The following ATP8B4 variants were observed in gnomAD, a reference collection of about 807,000 sequenced individuals.
The protein encoded by ATP8B4 is ATPase phospholipid transporting 8B4 (putative), also known as probable phospholipid-transporting ATPase IM.
A neutral mutation model predicts 145.6 loss-of-function variants in ATP8B4; 133 were observed. The ratio of observed to expected loss-of-function variants is 0.91; its 90% CI spans 0.79 to 1.05. The LOEUF (loss-of-function observed/expected upper bound fraction) is 1.05, where lower values mean the gene tolerates loss of function less well. Among genes scored for constraint, ATP8B4 ranks in the 50% least tolerant of loss-of-function variants. The pLI is 0.00. For missense variants in ATP8B4, 1,458 were observed against 1,425.2 expected, an observed-to-expected ratio of 1.02 and a Z score of -0.37; for synonymous variants, 507 against 492.9, an observed-to-expected ratio of 1.03 and a Z score of -0.38.
chr15:49,879,446 TG>T lies in ATP8B4; in HGVS notation c.2710del (p.Gln904SerfsTer17). The T allele has an allele frequency of 1.2e-6, 2 of 1,609,882 alleles. No individual in the cohort carries two copies. Among genetic ancestry groups the T allele is most frequent in the Non-Finnish European group, 8.5e-7 (1 of 1,176,734 alleles). On this transcript the variant is annotated frameshift_variant, in exon 24 of 28. Transcript: ENST00000284509. LOFTEE classifies it high-confidence loss of function. The part of the protein sequence containing the change: ...CGFSAQTVYD[Q>X]WFITLFNIVY... ...AATGTTAAAAAGGGTGATGAACCAC[TG>T]GTCATAAACAGTCTGAAAAGAAATA...
At chr15:49,931,497 CTA>C (rs2041253100) in intron 15 of ATP8B4, among the ~76,000 whole-genome samples, 190 bp from the exon 16 acceptor site, 1 of 151,998 alleles carries the variant, frequency 6.6e-6, no homozygotes, top group South Asian at 2.1e-4. Flanking sequence ...CCATAGGACT[CTA>C]TGCATATCAC....
chr15:50,092,252 G>T lies in ATP8B4; in HGVS notation c.28+14687C>A, dbSNP rs565010823. ...GTCCCTGATTGGATCAAGACAATCT[G>T]CTCCTTCTCTAACTGCTACCCAGAT... On this transcript the variant is annotated intron_variant, in intron 2 of 27. Coordinates refer to ENST00000284509, the MANE Select transcript of ATP8B4 (RefSeq NM_024837.4). 6.6e-5 allele frequency among the ~76,000 whole-genome samples: 10 copies of T among 152,224 alleles called. No individual in the cohort carries two copies. The East Asian group carries it at 1.9e-3, about 29-fold the overall frequency.
intron 1 of ATP8B4, among the ~76,000 whole-genome samples, chr15:50,169,282 G>C (rs113090301): frequency 7.7e-6 from 1 of 129,138 alleles, no homozygotes; most frequent in Non-Finnish European, 1.7e-5. Flanking sequence ...GTCCATTGCA[G>C]CCTCCACCAC....
Position 50,004,630 on chromosome 15 carries a change from C to T in ATP8B4, c.436-2407G>A, listed in dbSNP as rs569203788. On this transcript the variant is annotated intron_variant, in intron 7 of 27. Coordinates refer to ENST00000284509, the MANE Select transcript of ATP8B4 (RefSeq NM_024837.4). ...AGCACCATCCTAAGAGCTTCACATG[C>T]GCTATTTTATTTAACATTCACAGAA... 3.3e-5 allele frequency among the ~76,000 whole-genome samples: 5 copies of T among 152,282 alleles called. No individual in the cohort carries two copies. In the South Asian group the frequency reaches 8.3e-4, roughly 25 times the overall value.
chr15:50,113,230 G>A (rs545236808), intron 1 of ATP8B4: 4 of 152,304 alleles, frequency 2.6e-5, no homozygotes, highest in African/African-American at 9.6e-5. Flanking sequence ...CTGAGGAGCA[G>A]GTAGGATTGG....
chr15:50,112,491 G>A (rs2056992980), intron 1 of ATP8B4, among the ~76,000 whole-genome samples: 1 of 152,000 alleles, frequency 6.6e-6, no homozygotes, highest in African/African-American at 2.4e-5. Context: ...TATCTAACGT[G>A]CCCAACCCCA....
chr15:49,911,428 A>G (rs1236191534), intron 20 of ATP8B4, among the ~76,000 whole-genome samples: 2 of 152,168 alleles, frequency 1.3e-5, no homozygotes, highest in African/African-American at 4.8e-5. Flanking sequence ...AGCCAAAATT[A>G]TCATTTTATA....
At chr15:50,076,393 G>A (rs2054172937) in intron 2 of ATP8B4, among the ~76,000 whole-genome samples, 1 of 152,078 alleles carries the variant, frequency 6.6e-6, no homozygotes, top group African/African-American at 2.4e-5. Flanking sequence ...TTGGGAGGCT[G>A]AGGCAGGAAA....
intron 14 of ATP8B4, among the ~76,000 whole-genome samples, chr15:49,959,123 C>T (rs1018128229): frequency 6.6e-6 from 1 of 151,734 alleles, no homozygotes. Context: ...TTTAACATGA[C>T]AAGTGGCATT....
intron 3 of ATP8B4, among the ~76,000 whole-genome samples, chr15:50,068,321 G>T (rs144705743): frequency 6.6e-6 from 1 of 152,296 alleles, no homozygotes; most frequent in African/African-American, 2.4e-5. Context: ...CCACATTGTT[G>T]CACTGAATGA....
At chr15:50,153,313 T>C (rs1274808609) in intron 1 of ATP8B4, among the ~76,000 whole-genome samples, 1 of 151,648 alleles carries the variant, frequency 6.6e-6, no homozygotes, top group East Asian at 1.9e-4. Context: ...AGGAAAGAGT[T>C]TTCATTCCAG....
At chr15:50,033,511 T>C (rs1221883745) in intron 6 of ATP8B4, among the ~76,000 whole-genome samples, 1 of 152,214 alleles carries the variant, frequency 6.6e-6, no homozygotes, top group Non-Finnish European at 1.5e-5. Context: ...CTCAGCTTTT[T>C]AAAATATTTA....
In ATP8B4 at chr15:49,996,757, T is replaced by A; in HGVS notation, c.509A>T (p.Glu170Val). 6.2e-7 allele frequency: 1 copy of A among 1,608,460 alleles called. No homozygotes were observed. The highest frequency in any genetic ancestry group is 8.5e-7 in the Non-Finnish European group (1 of 1,175,938). The change falls in exon 9 of 28, where the codon GAA (glutamate) becomes GTA (valine). Residue 170 changes from glutamate (E) to valine (V), a missense_variant and splice_region_variant. Glu to Val is a moderately radical substitution (Grantham distance 121). Coordinates refer to ENST00000284509, the MANE Select transcript of ATP8B4 (RefSeq NM_024837.4). Reference sequence around the variant, plus strand: ...TGCATGGCGGACTTTTAGGTTCGTTTCCCTGTGAAATTATTGACATGACAT... The same window carrying A: ...TGCATGGCGGACTTTTAGGTTCGTTACCCTGTGAAATTATTGACATGACAT... ...CYVETAELDG[E>V]TNLKVRHALS...
chr15:50,144,312 T>A (rs1193603819), intron 1 of ATP8B4, among the ~76,000 whole-genome samples: 1 of 152,320 alleles, frequency 6.6e-6, no homozygotes, highest in Non-Finnish European at 1.5e-5. Flanking sequence ...GATAGACTTT[T>A]GCATTCACAG....
rs79918057 is a variant in ATP8B4, at chr15:50,083,734, C to T, written c.29-9549G>A. Among the ~76,000 whole-genome samples the T allele has an allele frequency of 2.6e-3, 394 of 152,288 alleles. 1 individual carries two copies. Among genetic ancestry groups the T allele is most frequent in the African/African-American group, 9.0e-3 (376 of 41,566 alleles). On this transcript the variant is annotated intron_variant, in intron 2 of 27. Coordinates refer to ENST00000284509, the MANE Select transcript of ATP8B4 (RefSeq NM_024837.4). ...AGCTATAAACTGAGTTTCTTTAATA[C>T]GTATTGGTTTCTGCATCTCAGCTCC...
chr15:50,166,122 G>A (rs2044595711), intron 1 of ATP8B4, among the ~76,000 whole-genome samples: 1 of 152,074 alleles, frequency 6.6e-6, no homozygotes, highest in Admixed American at 6.5e-5. Flanking sequence ...AGACAATAGA[G>A]TGATATCTTG....
chr15:50,090,720 T>C (rs1360818454), intron 2 of ATP8B4, among the ~76,000 whole-genome samples: 1 of 152,200 alleles, frequency 6.6e-6, no homozygotes, highest in Non-Finnish European at 1.5e-5. Flanking sequence ...ACTACTACAG[T>C]GAAACAAGAT....
chr15:49,919,990 A>G (rs542158845), intron 18 of ATP8B4, among the ~76,000 whole-genome samples: 1 of 152,290 alleles, frequency 6.6e-6, no homozygotes, highest in East Asian at 1.9e-4. Flanking sequence ...GTTGACAAAG[A>G]ATAGGTAGCC....
At chr15:49,998,465 T>C (rs561021847) in intron 8 of ATP8B4, among the ~76,000 whole-genome samples, 3 of 152,354 alleles carry the variant, frequency 2.0e-5, no homozygotes, top group African/African-American at 7.2e-5. Flanking sequence ...CATTGTAGTT[T>C]AGATTTGCAT....
Sources: allele counts gnomAD v4.1 joint callset (sites outside exome capture counted in the v4.1 genomes callset), GRCh38; gene constraint gnomAD v4.1.1; transcripts MANE v1.5; gene names NCBI Gene and HGNC (gene_info 2026-07-23, HGNC 2026-07-21).